SLC35D4: variants seen among roughly 807,000 people sequenced by gnomAD.
SLC35D4 encodes solute carrier family 35 member D4.
the SLC35D4 span, among the ~76,000 whole-genome samples, chr18:23,436,252 T>C: frequency 6.6e-6 from 1 of 151,794 alleles, no homozygotes; most frequent in Admixed American, 6.6e-5. Context: ...GGTTTCGAAC[T>C]CCTGGCCTCA....
chr18:23,298,170 C>A, the SLC35D4 span: 1 of 1,336,010 alleles, frequency 7.5e-7, no homozygotes, highest in Non-Finnish European at 1.1e-6. Context: ...CATCCTGCAA[C>A]TGAGACTCAT....
the SLC35D4 span, among the ~76,000 whole-genome samples, chr18:23,325,537 CA>C: frequency 6.6e-6 from 1 of 152,228 alleles, no homozygotes; most frequent in South Asian, 2.1e-4. Context: ...AAAATTCTGG[CA>C]AACCAATGCT....
the SLC35D4 span, among the ~76,000 whole-genome samples, chr18:23,434,453 C>T: frequency 0.027 from 4,040 of 152,174 alleles, 59 homozygotes; most frequent in Middle Eastern, 0.061. Flanking sequence ...TCATCTAATA[C>T]ATAGATGCAT....
At chr18:23,363,105 C>A in the SLC35D4 span, among the ~76,000 whole-genome samples, 1 of 151,566 alleles carries the variant, frequency 6.6e-6, no homozygotes, top group African/African-American at 2.4e-5. Context: ...ATTAGCTGGG[C>A]ATGGTGGCAG....
the SLC35D4 span, among the ~76,000 whole-genome samples, chr18:23,249,118 C>T: frequency 1.3e-5 from 2 of 152,266 alleles, no homozygotes; most frequent in Admixed American, 1.3e-4. Flanking sequence ...CTGCCCTGAG[C>T]CTCTTGGCAG....
the SLC35D4 span, among the ~76,000 whole-genome samples, chr18:23,352,830 A>G: frequency 1.3e-5 from 2 of 152,222 alleles, no homozygotes; most frequent in African/African-American, 4.8e-5. Flanking sequence ...TGCTTTGGAA[A>G]TGGTGCCTAC....
At chr18:23,288,559 C>T in the SLC35D4 span, among the ~76,000 whole-genome samples, 7 of 151,620 alleles carry the variant, frequency 4.6e-5, no homozygotes, top group East Asian at 1.9e-4. Context: ...TTTGCCCCCC[C>T]GCCCCAGGAC....
At chr18:23,408,170 CA>C in the SLC35D4 span, among the ~76,000 whole-genome samples, 32 of 152,144 alleles carry the variant, frequency 2.1e-4, no homozygotes, top group African/African-American at 6.5e-4. Context: ...CACACACACA[CA>C]CACACACACC....
At chr18:23,363,364 A>ATTTTTT in the SLC35D4 span, among the ~76,000 whole-genome samples, 31 of 90,460 alleles carry the variant, frequency 3.4e-4, 3 homozygotes, top group African/African-American at 1.3e-3. Context: ...ACAAAAGCAC[A>ATTTTTT]TTTTTTTTTT....
the SLC35D4 span, among the ~76,000 whole-genome samples, chr18:23,319,892 C>T: frequency 6.6e-6 from 1 of 152,124 alleles, no homozygotes; most frequent in African/African-American, 2.4e-5. Context: ...AAGGTAATGT[C>T]CTTTTTCTCT....
chr18:23,411,103 G>A, the SLC35D4 span, among the ~76,000 whole-genome samples: 1 of 151,256 alleles, frequency 6.6e-6, no homozygotes, highest in Admixed American at 6.6e-5. Flanking sequence ...GTGGTGTGCG[G>A]GCCTCTAGGG....
chr18:23,433,848 G>C, the SLC35D4 span, among the ~76,000 whole-genome samples: 1 of 151,036 alleles, frequency 6.6e-6, no homozygotes, highest in Non-Finnish European at 1.5e-5. Context: ...AACTAGAAGA[G>C]AGCATCCTCT....
chr18:23,302,329 C>T, the SLC35D4 span, among the ~76,000 whole-genome samples: 2 of 152,176 alleles, frequency 1.3e-5, no homozygotes, highest in Admixed American at 1.3e-4. Context: ...CACTAGCCCC[C>T]ATGAACTTTA....
At chr18:23,258,488 A>G in the SLC35D4 span, 3 of 152,158 alleles carry the variant, frequency 2.0e-5, no homozygotes, top group African/African-American at 2.4e-5. Context: ...TGTTCATGCA[A>G]GATTTTAATG....
the SLC35D4 span, among the ~76,000 whole-genome samples, chr18:23,364,720 T>C: frequency 4.7e-4 from 72 of 151,932 alleles, 3 homozygotes; most frequent in Non-Finnish European, 2.9e-5. Context: ...CTGGCTAACA[T>C]GGTGAAACCC....
the SLC35D4 span, among the ~76,000 whole-genome samples, chr18:23,358,748 T>C: frequency 6.6e-6 from 1 of 152,138 alleles, no homozygotes; most frequent in African/African-American, 2.4e-5. Context: ...ACCAAGAGTA[T>C]TGGAAAGACC....
the SLC35D4 span, among the ~76,000 whole-genome samples, chr18:23,362,962 C>T: frequency 3.2e-4 from 49 of 152,154 alleles, no homozygotes; most frequent in South Asian, 6.4e-3. Context: ...TTCACCCAGC[C>T]GGGCACAGTG....
the SLC35D4 span, among the ~76,000 whole-genome samples, chr18:23,413,695 T>C: frequency 6.7e-6 from 1 of 149,922 alleles, no homozygotes; most frequent in African/African-American, 2.5e-5. Flanking sequence ...GAGGCTGAGG[T>C]GGGTAGATCA....
At chr18:23,414,342 G>A in the SLC35D4 span, among the ~76,000 whole-genome samples, 1 of 151,474 alleles carries the variant, frequency 6.6e-6, no homozygotes, top group African/African-American at 2.4e-5. Context: ...AGGCAGGCAG[G>A]CAGGCAGGCA....
Sources: gnomAD v4.1 joint callset for allele counts (sites outside exome capture counted in the v4.1 genomes callset) on GRCh38, gnomAD v4.1.1 for gene constraint, MANE v1.5 for transcripts, NCBI Gene and HGNC (gene_info 2026-07-23, HGNC 2026-07-21) for gene names.